NANOS2: variants seen among roughly 807,000 people sequenced by gnomAD.
The protein encoded by NANOS2 is nanos C2HC-type zinc finger 2.
A neutral mutation model predicts 6.4 loss-of-function variants in NANOS2; 3 were observed. That is an observed-to-expected ratio of 0.47 (90% CI 0.22 to 1.22). NANOS2 has a LOEUF of 1.22. Among genes scored for constraint, NANOS2 ranks in the 50% most tolerant of loss-of-function variants. NANOS2 has a pLI of 0.22. For missense variants in NANOS2, 177 were observed against 191.0 expected, an observed-to-expected ratio of 0.93 and a Z score of 0.43; for synonymous variants, 86 against 85.6, an observed-to-expected ratio of 1.00 and a Z score of -0.03.
At position 45,914,330 on chromosome 19, in the gene NANOS2, A is replaced by G; in HGVS notation, c.364T>C (p.Ser122Pro). 1 of 1,613,764 alleles carries G rather than the reference A, an allele frequency of 6.2e-7. No homozygotes were observed. The highest frequency in any genetic ancestry group is 8.5e-7 in the Non-Finnish European group (1 of 1,179,950). Residue 122 changes from serine to proline, a missense_variant, in exon 1 of 1, where the codon TCC becomes CCC. Transcript: ENST00000341294. ...TTGCGCCCGCTGCGGCGGTAGAGGG[A>G]CTGCTGGCCACCGTTAAGCGGGCAG... The part of the protein sequence containing the change: ...KYCPLNGGQQ[S>P]LYRRSGRNSA...
At position 45,913,921 on chromosome 19, in the gene NANOS2, C is replaced by T; in HGVS notation, c.*356G>A. On this transcript the variant is annotated 3_prime_UTR_variant, in exon 1 of 1. Transcript: ENST00000341294. ...CTGGAGGTTCAAAAATCCAAGAACT[C>T]CACAAGGAACAGAGAAGTCGAAGGG... 1 of 273,038 alleles carries T rather than the reference C, an allele frequency of 3.7e-6. No homozygotes were observed. Among genetic ancestry groups the T allele is most frequent in the South Asian group, 8.3e-5 (1 of 12,014 alleles). The allele number at this position is 273,038 out of a possible 1,614,324, so 16.9% of individuals were successfully genotyped here.
At position 45,914,260 on chromosome 19, in the gene NANOS2, TGA is replaced by T; in HGVS notation, c.*15_*16del. The T allele has an allele frequency of 6.3e-7, 1 of 1,597,488 alleles. No individual in the cohort carries two copies. The highest frequency in any genetic ancestry group is 8.5e-7 in the Non-Finnish European group (1 of 1,170,614). On this transcript the variant is annotated 3_prime_UTR_variant, in exon 1 of 1. Coordinates refer to ENST00000341294, the MANE Select transcript of NANOS2 (RefSeq NM_001029861.3). ...CCAGGAGGGTCAGGGGTGCGGGTGGTGAGCATCTCACGATGCTCAGCGCTTGA... is the reference window on the plus strand; with the variant it reads ...CCAGGAGGGTCAGGGGTGCGGGTGGTGCATCTCACGATGCTCAGCGCTTGA...
At position 45,913,976 on chromosome 19, in the gene NANOS2, G is replaced by GTATC; in HGVS notation, c.*300_*301insGATA. On this transcript the variant is annotated 3_prime_UTR_variant, in exon 1 of 1. Transcript: ENST00000341294. ...GGCTCCAGTCACCAGCAGGCCCCAC[G>GTATC]AGGACAAAAGATCCATGAACCGGGG... 1 of 416,264 alleles carries GTATC rather than the reference G, an allele frequency of 2.4e-6. No individual in the cohort carries two copies. Among genetic ancestry groups the GTATC allele is most frequent in the Non-Finnish European group, 4.4e-6 (1 of 229,642 alleles). 25.8% of individuals were successfully genotyped at this position (416,264 alleles called of 1,614,324 possible).
At position 45,914,590 on chromosome 19, in the gene NANOS2, ATC is replaced by A. The variant is rs1967450362; in HGVS notation, c.102_103del (p.Glu34AspfsTer2). ...CGGAGGCCCGGGACTTGGCTCCTCA[ATC>A]TCTTGGGTCTCCAGCCTTTGACCCC... On this transcript the variant is annotated frameshift_variant, in exon 1 of 1. Transcript: ENST00000341294. LOFTEE classifies it high-confidence loss of function. The A allele has an allele frequency of 1.2e-6, 2 of 1,614,044 alleles. No homozygotes were observed. Among genetic ancestry groups the A allele is most frequent in the South Asian group, 2.2e-5 (2 of 91,084 alleles).
At position 45,914,224 on chromosome 19, in the gene NANOS2, G is replaced by A; in HGVS notation, c.*53C>T. ...CTGGAAGAGAGAGTTTAGGGACTTGGGTGGGATGGACCAGGAGGGTCAGGG... is the reference window on the plus strand; with the variant it reads ...CTGGAAGAGAGAGTTTAGGGACTTGAGTGGGATGGACCAGGAGGGTCAGGG... On this transcript the variant is annotated 3_prime_UTR_variant, in exon 1 of 1. Transcript: ENST00000341294. 1 of 1,517,486 alleles carries A rather than the reference G, an allele frequency of 6.6e-7. No individual in the cohort carries two copies. Among genetic ancestry groups the A allele is most frequent in the African/African-American group, 1.4e-5 (1 of 72,984 alleles). The allele number at this position is 1,517,486 out of a possible 1,614,324, so 94.0% of individuals were successfully genotyped here.
In NANOS2 at chr19:45,914,165, T is replaced by A; in HGVS notation, c.*112A>T. The A allele has an allele frequency of 8.9e-7, 1 of 1,118,080 alleles. No homozygotes were observed. Among genetic ancestry groups the A allele is most frequent in the Non-Finnish European group, 1.3e-6 (1 of 799,614 alleles). The allele number at this position is 1,118,080 out of a possible 1,614,324, so 69.3% of individuals were successfully genotyped here. A position where few individuals can be genotyped will look rare whatever the true frequency, so the allele number is the denominator to read the frequency against. ...GTTTCAGGATCCAGCCAGGGTGGAG[T>A]TCTGGGGGCCAGAAATTCCAAAGGG... is the stretch of plus-strand genomic sequence containing the variant. On this transcript the variant is annotated 3_prime_UTR_variant, in exon 1 of 1. Transcript: ENST00000341294.
rs1273254669 is a variant in NANOS2 at position 45,914,600 on chromosome 19, T to C, written c.94A>G (p.Thr32Ala). The C allele has an allele frequency of 1.2e-6, 2 of 1,614,122 alleles. No homozygotes were observed. The highest frequency in any genetic ancestry group is 3.3e-5 in the Admixed American group (2 of 60,022). The change falls in exon 1 of 1, where the codon ACC becomes GCC. Residue 32 changes from threonine to alanine, a missense_variant. Physicochemically the swap from Thr to Ala is moderately conservative, Grantham distance 58. Transcript: ENST00000341294. ...LIASRGQRLE[T>A]QEIEEPSPGP... The stretch of plus-strand genomic sequence containing the variant: ...GGACTTGGCTCCTCAATCTCTTGGG[T>C]CTCCAGCCTTTGACCCCGACTTGCG...
rs201288943 is a variant in NANOS2, at chr19:45,914,639, C to A, written c.55G>T (p.Val19Leu). ...CCCCGACTTGCGATCAGCGCCCACACCACCTGGCTCAGGTTGAAGTAGTCC... is the reference window on the plus strand; with the variant it reads ...CCCCGACTTGCGATCAGCGCCCACAACACCTGGCTCAGGTTGAAGTAGTCC... Reference protein sequence around the residue: ...WKDYFNLSQVVWALIASRGQR... With the variant: ...WKDYFNLSQVLWALIASRGQR... Residue 19 changes from valine (V) to leucine (L), a missense_variant, in exon 1 of 1, where the codon GTG (valine) becomes TTG (leucine). Coordinates refer to ENST00000341294, the MANE Select transcript of NANOS2 (RefSeq NM_001029861.3). The A allele has an allele frequency of 8.2e-5, 132 of 1,614,236 alleles. No homozygotes were observed. The African/African-American group carries it at 1.6e-3, about 20-fold the overall frequency.
chr19:45,913,269 C>T lies in NANOS2; in HGVS notation c.*1008G>A, dbSNP rs895176044. The T allele has an allele frequency of 6.6e-6, 1 of 152,096 alleles. No homozygotes were observed. The highest frequency in any genetic ancestry group is 2.4e-5 in the African/African-American group (1 of 41,404). The allele number at this position is 152,096 out of a possible 1,614,324, so 9.4% of individuals were successfully genotyped here. A position where few individuals can be genotyped will look rare whatever the true frequency, so the allele number is the denominator to read the frequency against. ...CACCAGAGCTCAATACTCAGGGTCC[C>T]GACCCTGTGCCAAAAACTGAACAAC... On this transcript the variant is annotated 3_prime_UTR_variant, in exon 1 of 1. Coordinates refer to ENST00000341294, the MANE Select transcript of NANOS2 (RefSeq NM_001029861.3).
Position 45,914,164 on chromosome 19 carries a change from G to A in NANOS2, c.*113C>T. On this transcript the variant is annotated 3_prime_UTR_variant, in exon 1 of 1. Transcript: ENST00000341294. ...TGTTTCAGGATCCAGCCAGGGTGGA[G>A]TTCTGGGGGCCAGAAATTCCAAAGG... 1 of 1,115,614 alleles carries A rather than the reference G, an allele frequency of 9.0e-7. No individual in the cohort carries two copies. 69.1% of individuals were successfully genotyped at this position (1,115,614 alleles called of 1,614,324 possible). A position where few individuals can be genotyped will look rare whatever the true frequency, so the allele number is the denominator to read the frequency against.
Position 45,914,298 on chromosome 19 carries a change from G to A in NANOS2, c.396C>T (p.Ala132=), listed in dbSNP as rs1210237930. The change falls in exon 1 of 1, where the codon GCC becomes GCT. Residue 132 remains alanine, a synonymous_variant. Coordinates refer to ENST00000341294, the MANE Select transcript of NANOS2 (RefSeq NM_001029861.3). The part of the protein sequence containing the change: ...SLYRRSGRNS[A]GRRVKR ...ATGCTCAGCGCTTGACCCTGCGTCC[G>A]GCCGAGTTGCGCCCGCTGCGGCGGT... is the stretch of plus-strand genomic sequence containing the variant. 3 of 1,612,966 alleles carry A rather than the reference G, an allele frequency of 1.9e-6. No individual in the cohort carries two copies. Among genetic ancestry groups the A allele is most frequent in the Admixed American group, 1.7e-5 (1 of 59,948 alleles).
At position 45,914,772 on chromosome 19, in the gene NANOS2, G is replaced by A. The variant is rs555313153; in HGVS notation, c.-79C>T. ...GTGGGCAAGGGCAAGAGCAGCAGGC[G>A]TTTCCCAGAGCAGAAGGGAGCTGCA... On this transcript the variant is annotated 5_prime_UTR_variant, in exon 1 of 1. The change creates a new upstream start codon in the 5' untranslated region. Coordinates refer to ENST00000341294, the MANE Select transcript of NANOS2 (RefSeq NM_001029861.3). 5.1e-6 allele frequency: 7 copies of A among 1,375,512 alleles called. No individual in the cohort carries two copies. The highest frequency in any genetic ancestry group is 4.7e-5 in the East Asian group (2 of 42,862). The allele number at this position is 1,375,512 out of a possible 1,614,324, so 85.2% of individuals were successfully genotyped here. A position where few individuals can be genotyped will look rare whatever the true frequency, so the allele number is the denominator to read the frequency against.
rs899938206 is a variant in NANOS2 at position 45,913,737 on chromosome 19, A to C, written c.*540T>G. 1.3e-5 allele frequency: 2 copies of C among 157,698 alleles called. No homozygotes were observed. The highest frequency in any genetic ancestry group is 2.8e-5 in the Non-Finnish European group (2 of 71,012). The allele number at this position is 157,698 out of a possible 1,614,324, so 9.8% of individuals were successfully genotyped here. On this transcript the variant is annotated 3_prime_UTR_variant, in exon 1 of 1. Transcript: ENST00000341294. ...TACTGAGGTCAGGGAAGGAATGAAC[A>C]GGCGTGGTCCACGATGACACCGTGG...
rs777101312 is a variant in NANOS2 at position 45,914,332 on chromosome 19, T to G, written c.362A>C (p.Gln121Pro). ...LKYCPLNGGQ[Q>P]SLYRRSGRNS... is the part of the protein sequence containing the mutation. ...GCGCCCGCTGCGGCGGTAGAGGGAC[T>G]GCTGGCCACCGTTAAGCGGGCAGTA... Residue 121 changes from glutamine to proline, a missense_variant, in exon 1 of 1, where the codon CAG (glutamine) becomes CCG (proline). Physicochemically the swap from Gln to Pro is moderately conservative, Grantham distance 76 (BLOSUM62 -1). Coordinates refer to ENST00000341294, the MANE Select transcript of NANOS2 (RefSeq NM_001029861.3). The G allele has an allele frequency of 1.9e-6, 3 of 1,613,750 alleles. No individual in the cohort carries two copies. Among genetic ancestry groups the G allele is most frequent in the African/African-American group, 1.3e-5 (1 of 74,940 alleles).
Position 45,914,548 on chromosome 19 carries a change from C to T in NANOS2, c.146G>A (p.Gly49Glu). ...SPGPPLGQDQ[G>E]LGAPGANGGL... Reference sequence around the variant, plus strand: ...CCCGTTGGCCCCTGGCGCCCCCAGCCCCTGATCCTGCCCCAGCGGAGGCCC... The same window carrying T: ...CCCGTTGGCCCCTGGCGCCCCCAGCTCCTGATCCTGCCCCAGCGGAGGCCC... Residue 49 changes from glycine to glutamate, a missense_variant, in exon 1 of 1, where the codon GGG becomes GAG. Physicochemically the swap from Gly to Glu is moderately conservative, Grantham distance 98. Transcript: ENST00000341294. The T allele has an allele frequency of 6.2e-7, 1 of 1,614,184 alleles. No individual in the cohort carries two copies. The highest frequency in any genetic ancestry group is 8.5e-7 in the Non-Finnish European group (1 of 1,180,022).
Position 45,913,650 on chromosome 19 carries a change from G to C in NANOS2, c.*627C>G, listed in dbSNP as rs1354940721. 1 of 152,524 alleles carries C rather than the reference G, an allele frequency of 6.6e-6. No homozygotes were observed. Among genetic ancestry groups the C allele is most frequent in the African/African-American group, 2.4e-5 (1 of 41,438 alleles). 9.4% of individuals were successfully genotyped at this position (152,524 alleles called of 1,614,324 possible). ...CTCCATCCACAGGTGAGCCTGCGAA[G>C]ACACGGTGCCCTCCAGTGATACGGT... is the stretch of plus-strand genomic sequence containing the variant. On this transcript the variant is annotated 3_prime_UTR_variant, in exon 1 of 1. Coordinates refer to ENST00000341294, the MANE Select transcript of NANOS2 (RefSeq NM_001029861.3).
rs550896350 is a variant in NANOS2, at chr19:45,913,724, G to C, written c.*553C>G. 1 of 157,018 alleles carries C rather than the reference G, an allele frequency of 6.4e-6. No individual in the cohort carries two copies. Among genetic ancestry groups the C allele is most frequent in the African/African-American group, 2.4e-5 (1 of 41,596 alleles). 9.7% of individuals were successfully genotyped at this position (157,018 alleles called of 1,614,324 possible). ...CCTGACGGATGGGTACTGAGGTCAG[G>C]GAAGGAATGAACAGGCGTGGTCCAC... On this transcript the variant is annotated 3_prime_UTR_variant, in exon 1 of 1. Transcript: ENST00000341294.
rs1010491354 is a variant in NANOS2, at chr19:45,914,106, G to A, written c.*171C>T. The A allele has an allele frequency of 2.9e-6, 2 of 688,550 alleles. No individual in the cohort carries two copies. The highest frequency in any genetic ancestry group is 4.8e-6 in the Non-Finnish European group (2 of 417,044). 42.7% of individuals were successfully genotyped at this position (688,550 alleles called of 1,614,324 possible). On this transcript the variant is annotated 3_prime_UTR_variant, in exon 1 of 1. Coordinates refer to ENST00000341294, the MANE Select transcript of NANOS2 (RefSeq NM_001029861.3). Reference sequence around the variant, plus strand: ...CTCCGAGGGCTGACAGGTCCAAGGGGGCGGGGCTGGCCTGGCTCCCAGCAG... The same window carrying A: ...CTCCGAGGGCTGACAGGTCCAAGGGAGCGGGGCTGGCCTGGCTCCCAGCAG...
Position 45,914,327 on chromosome 19 carries a change from G to C in NANOS2, c.367C>G (p.Leu123Val), listed in dbSNP as rs755696858. ...YCPLNGGQQSLYRRSGRNSAG... is the reference protein window; with the variant it reads ...YCPLNGGQQSVYRRSGRNSAG... ...GAGTTGCGCCCGCTGCGGCGGTAGAGGGACTGCTGGCCACCGTTAAGCGGG... is the reference window on the plus strand; with the variant it reads ...GAGTTGCGCCCGCTGCGGCGGTAGACGGACTGCTGGCCACCGTTAAGCGGG... Residue 123 changes from leucine to valine, a missense_variant, in exon 1 of 1, where the codon CTC (leucine) becomes GTC (valine). Transcript: ENST00000341294. The C allele has an allele frequency of 6.2e-7, 1 of 1,613,836 alleles. No homozygotes were observed. The highest frequency in any genetic ancestry group is 1.1e-5 in the South Asian group (1 of 91,078).
Sources: gnomAD v4.1 joint callset for allele counts on GRCh38, gnomAD v4.1.1 for gene constraint, MANE v1.5 for transcripts, NCBI Gene and HGNC (gene_info 2026-07-23, HGNC 2026-07-21) for gene names.